The following PLEKHG1 variants were observed in gnomAD, a reference collection of about 807,000 sequenced individuals.
PLEKHG1 encodes pleckstrin homology domain-containing family G member 1.
In PLEKHG1, 44 loss-of-function variants were observed where a neutral mutation model predicts 100.8. The observed-to-expected ratio is 0.44, with a 90% CI of 0.34 to 0.56. The LOEUF (loss-of-function observed/expected upper bound fraction) is 0.56, where lower values mean the gene tolerates loss of function less well. Among genes scored for constraint, PLEKHG1 ranks in the 20% least tolerant of loss-of-function variants. The pLI is 0.01. For missense variants in PLEKHG1, 1,545 were observed against 1,720.9 expected, an observed-to-expected ratio of 0.90 and a Z score of 1.81; for synonymous variants, 640 against 662.5, an observed-to-expected ratio of 0.97 and a Z score of 0.52.
chr6:150,690,306 C>G (rs1780304658), intron 3 of PLEKHG1, among the ~76,000 whole-genome samples: 1 of 151,424 alleles, frequency 6.6e-6, no homozygotes, highest in South Asian at 2.1e-4. Flanking sequence ...CCTGGTGCGC[C>G]CATCACCCAA....
At position 150,795,323 on chromosome 6, in the gene PLEKHG1, G is replaced by A. The variant is rs530856510; in HGVS notation, c.583-533G>A. Among the ~76,000 whole-genome samples, 3 of 151,460 alleles carry A rather than the reference G, an allele frequency of 2.0e-5. No homozygotes were observed. In the South Asian group the frequency reaches 6.3e-4, roughly 32 times the overall value. ...AAGAATTGCTTGAACCGGGGAGGCA[G>A]AGGCAGAGGCTACAGTGAGCAGAGA... On this transcript the variant is annotated intron_variant, in intron 4 of 15. Transcript: ENST00000358517.
chr6:150,661,540 G>A (rs1263608118), intron 3 of PLEKHG1, among the ~76,000 whole-genome samples: 1 of 152,196 alleles, frequency 6.6e-6, no homozygotes, highest in East Asian at 1.9e-4. Flanking sequence ...TCCTGTGCCT[G>A]AAATACAGTT....
At chr6:150,654,262 C>G (rs536081829) in intron 3 of PLEKHG1, among the ~76,000 whole-genome samples, 2 of 152,350 alleles carry the variant, frequency 1.3e-5, no homozygotes, top group African/African-American at 4.8e-5. Context: ...GCCCCTTGCA[C>G]TGGTGAGTGG....
At chr6:150,716,184 A>C (rs993887690), upstream of PLEKHG1, among the ~76,000 whole-genome samples, 7 of 152,114 alleles carry the variant, frequency 4.6e-5, no homozygotes, top group Non-Finnish European at 8.8e-5. Context: ...TAGACTAAAA[A>C]TACATTAAGA....
At chr6:150,834,798 C>T (rs1297013190) in intron 15 of PLEKHG1, among the ~76,000 whole-genome samples, 31 of 152,132 alleles carry the variant, frequency 2.0e-4, no homozygotes, top group Admixed American at 1.7e-3. Flanking sequence ...AAATCTCTCC[C>T]GAGTCATCTT....
intron 3 of PLEKHG1, among the ~76,000 whole-genome samples, chr6:150,711,441 G>A (rs539343752): frequency 6.6e-6 from 1 of 152,320 alleles, no homozygotes; most frequent in South Asian, 2.1e-4. Flanking sequence ...GAGGTGAGGT[G>A]TGATTTCTCT....
chr6:150,821,107 T>C, intron 12 of PLEKHG1, 88 bp from the exon 14 acceptor site: 1 of 1,007,754 alleles, frequency 9.9e-7, no homozygotes, highest in South Asian at 1.3e-5. Flanking sequence ...TGTTAATCTG[T>C]CAATAGGCTC....
intron 7 of PLEKHG1, among the ~76,000 whole-genome samples, chr6:150,807,311 G>C (rs993624693): frequency 6.6e-6 from 1 of 152,066 alleles, no homozygotes; most frequent in Non-Finnish European, 1.5e-5. Flanking sequence ...CAGATAAGAG[G>C]GACTGCTGTA....
intron 1 of PLEKHG1, among the ~76,000 whole-genome samples, chr6:150,601,163 C>T (rs1044717530): frequency 2.6e-5 from 4 of 152,186 alleles, no homozygotes; most frequent in African/African-American, 9.7e-5. Flanking sequence ...TGGGTAGGTC[C>T]TGTAATGCGG....
chr6:150,743,664 TCTCCTACTGTTC>T (rs1303133032), intron 2 of PLEKHG1, among the ~76,000 whole-genome samples: 11 of 152,294 alleles, frequency 7.2e-5, no homozygotes, highest in Middle Eastern at 3.4e-3. Context: ...GACCAATGTA[TCTCCTACTGTTC>T]CTCTCTCCCT....
intron 3 of PLEKHG1, among the ~76,000 whole-genome samples, chr6:150,698,034 T>C (rs1780618007): frequency 6.6e-6 from 1 of 152,132 alleles, no homozygotes; most frequent in African/African-American, 2.4e-5. Flanking sequence ...TTGTAAAGTA[T>C]GGGTTGAAAT....
chr6:150,652,256 A>T (rs1294171017), intron 3 of PLEKHG1, among the ~76,000 whole-genome samples: 1 of 152,208 alleles, frequency 6.6e-6, no homozygotes, highest in East Asian at 1.9e-4. Flanking sequence ...TTTCTTTCCT[A>T]AGTACTTTAA....
At chr6:150,810,928 A>G (rs1255227746) in intron 10 of PLEKHG1, among the ~76,000 whole-genome samples, 1 of 152,104 alleles carries the variant, frequency 6.6e-6, no homozygotes, top group East Asian at 1.9e-4. Context: ...CTCAAGAAAA[A>G]AAAAAAAAGA....
chr6:150,613,523 T>C (rs929766099), intron 1 of PLEKHG1, among the ~76,000 whole-genome samples: 1 of 152,244 alleles, frequency 6.6e-6, no homozygotes, highest in Non-Finnish European at 1.5e-5. Context: ...TCTGATTGTC[T>C]GATTCTGTGA....
intron 12 of PLEKHG1, 50 bp downstream of exon 13, chr6:150,819,824 T>C (rs756328651): frequency 3.0e-6 from 3 of 1,008,140 alleles, no homozygotes; most frequent in Admixed American, 3.4e-5. Flanking sequence ...GGACTGGCAA[T>C]GAAAGTCCCT....
chr6:150,701,640 T>G (rs547370312), intron 3 of PLEKHG1, among the ~76,000 whole-genome samples: 8 of 138,630 alleles, frequency 5.8e-5, no homozygotes, highest in Admixed American at 2.9e-4. Context: ...TGTATGTTGT[T>G]CCCCTTCCTG....
At chr6:150,777,411 T>C (rs74679994) in intron 3 of PLEKHG1, among the ~76,000 whole-genome samples, 576 of 127,044 alleles carry the variant, frequency 4.5e-3, no homozygotes, top group Middle Eastern at 0.02. Context: ...TGGTTGCACA[T>C]TACTCACACT....
intron 3 of PLEKHG1, among the ~76,000 whole-genome samples, chr6:150,669,650 G>T (rs1374063893): frequency 2.1e-5 from 3 of 143,806 alleles, no homozygotes; most frequent in African/African-American, 7.8e-5. Flanking sequence ...AGGCTGGAGT[G>T]CAGTTGCGCG....
intron 2 of PLEKHG1, among the ~76,000 whole-genome samples, chr6:150,646,243 T>A (rs1399973090): frequency 6.6e-6 from 1 of 152,104 alleles, no homozygotes; most frequent in Non-Finnish European, 1.5e-5. Flanking sequence ...GCAGCAGCTC[T>A]CCCCTCTCTT....
Sources: gnomAD v4.1 joint callset for allele counts (sites outside exome capture counted in the v4.1 genomes callset) on GRCh38, gnomAD v4.1.1 for gene constraint, MANE v1.5 for transcripts, NCBI Gene and HGNC (gene_info 2026-07-23, HGNC 2026-07-21) for gene names.